Variants in DNAH5 observed in about 807,000 individuals in gnomAD.
The protein encoded by DNAH5 is axonemal beta dynein heavy chain 5.
In DNAH5, 372 loss-of-function variants were observed where a neutral mutation model predicts 518.2. The ratio of observed to expected loss-of-function variants is 0.72; its 90% confidence interval spans 0.66 to 0.78. The LOEUF (loss-of-function observed/expected upper bound fraction) is 0.78. Among genes scored for constraint, DNAH5 ranks in the 30% least tolerant of loss-of-function variants. DNAH5 has a pLI of 0.00. For missense variants in DNAH5, 5,523 were observed against 5,687.0 expected, an observed-to-expected ratio of 0.97 and a Z score of 0.93; for synonymous variants, 2,039 against 2,025.9, an observed-to-expected ratio of 1.01 and a Z score of -0.17.
chr5:13,881,092 AATTAT>A (rs529176994), intron 21 of DNAH5, among the ~76,000 whole-genome samples: 14 of 152,040 alleles, frequency 9.2e-5, no homozygotes, highest in Non-Finnish European at 1.5e-4. Context: ...AATTCTTCAA[AATTAT>A]ATTATAATCG....
At chr5:13,896,245 A>C (rs916379085) in intron 15 of DNAH5, among the ~76,000 whole-genome samples, 1 of 152,022 alleles carries the variant, frequency 6.6e-6, no homozygotes, top group African/African-American at 2.4e-5. Flanking sequence ...CCTTTATACA[A>C]AGGACTTGGA....
chr5:13,719,383 G>C, intron 71 of DNAH5, among the ~76,000 whole-genome samples: 1 of 152,258 alleles, frequency 6.6e-6, no homozygotes, highest in Non-Finnish European at 1.5e-5. Flanking sequence ...GGACTTCCAA[G>C]TAAAGATGGC....
chr5:13,694,985 G>A (rs1221806352), intron 78 of DNAH5, among the ~76,000 whole-genome samples: 1 of 152,174 alleles, frequency 6.6e-6, no homozygotes. Context: ...GGAACAGAAG[G>A]AGGTGAGTTG....
rs763843574 is a variant in DNAH5, at chr5:13,737,383, A to G, written c.11324T>C (p.Leu3775Pro). ...GACAATGAGACTTTCATCTTCTACCAGGGACCCCTGGGTACTTGTCAGGCG... is the reference window on the plus strand; with the variant it reads ...GACAATGAGACTTTCATCTTCTACCGGGGACCCCTGGGTACTTGTCAGGCG... Reference protein sequence around the residue: ...LYRLTSTQGSLVEDESLIVVL... With the variant: ...LYRLTSTQGSPVEDESLIVVL... Residue 3775 changes from leucine (L) to proline (P), a missense_variant, in exon 66 of 79, where the codon CTG becomes CCG. Around this residue, in one of 3 missense-constraint regions of DNAH5, gnomAD observed 5,121 missense variants for 5,223.3 expected, o/e 0.98. Coordinates refer to ENST00000265104, the MANE Select transcript of DNAH5 (RefSeq NM_001369.3). 1.2e-6 allele frequency: 2 copies of G among 1,614,160 alleles called. No individual in the cohort carries two copies. Among genetic ancestry groups the G allele is most frequent in the South Asian group, 1.1e-5 (1 of 91,078 alleles).
chr5:13,759,317 T>C (rs2126729984), intron 60 of DNAH5, among the ~76,000 whole-genome samples: 1 of 152,370 alleles, frequency 6.6e-6, no homozygotes, highest in South Asian at 2.1e-4. Context: ...CCTACTCTTA[T>C]TTCACAAGCC....
In DNAH5 at chr5:13,882,573, C is replaced by T. The variant is rs370633292; in HGVS notation, c.3262+155G>A. ...CAACTAAAATGGTGATATTAAAATA[C>T]GTGGACCTTGATATTTTGTCAACTT... On this transcript the variant is annotated intron_variant, in intron 21 of 78. Transcript: ENST00000265104. Among the ~76,000 whole-genome samples the T allele has an allele frequency of 7.4e-4, 113 of 152,182 alleles. 1 individual carries two copies. In the South Asian group the frequency reaches 0.018, roughly 24 times the overall value.
rs184905024 is a variant in DNAH5, at chr5:13,793,896, C to T, written c.8010+40G>A. 3.0e-5 allele frequency: 48 copies of T among 1,610,032 alleles called. No individual in the cohort carries two copies. The Middle Eastern group carries it at 8.3e-4, about 28-fold the overall frequency. ...AAACTCTTCTAAGAATAAATCAATACCAAATTAAAGAAATAAAATGCACAA... is the reference window on the plus strand; with the variant it reads ...AAACTCTTCTAAGAATAAATCAATATCAAATTAAAGAAATAAAATGCACAA... On this transcript the variant is annotated intron_variant, in intron 48 of 78. Coordinates refer to ENST00000265104, the MANE Select transcript of DNAH5 (RefSeq NM_001369.3).
intron 59 of DNAH5, among the ~76,000 whole-genome samples, chr5:13,764,733 T>C (rs1264123427): frequency 6.6e-6 from 1 of 152,202 alleles, no homozygotes; most frequent in Non-Finnish European, 1.5e-5. Context: ...AGCCACCAAA[T>C]GACCAATATT....
At chr5:13,740,225 T>C (rs1186093611) in intron 65 of DNAH5, among the ~76,000 whole-genome samples, 1 of 152,140 alleles carries the variant, frequency 6.6e-6, no homozygotes, top group East Asian at 1.9e-4. Context: ...CACCCTGGTT[T>C]AAACTATCAT....
Position 13,751,168 on chromosome 5 carries a change from T to A in DNAH5, c.11121A>T (p.Ile3707=). The change falls in exon 65 of 79, where the codon ATA becomes ATT. Residue 3707 remains isoleucine (I), a synonymous_variant. Transcript: ENST00000265104. ...KLPNPAYTPE[I]SARTSIIDFT... ...AGTCAATGATGGAGGTACGGGCACT[T>A]ATCTCAGGGGTGTAGGCTGGGTTAG... is the stretch of plus-strand genomic sequence containing the variant. 1 of 1,613,962 alleles carries A rather than the reference T, an allele frequency of 6.2e-7. No homozygotes were observed. The highest frequency in any genetic ancestry group is 8.5e-7 in the Non-Finnish European group (1 of 1,179,928).
chr5:13,822,925 A>T (rs987234359), intron 40 of DNAH5, among the ~76,000 whole-genome samples: 2 of 152,192 alleles, frequency 1.3e-5, no homozygotes, highest in African/African-American at 4.8e-5. Flanking sequence ...GAAACAAGCT[A>T]AGCCAAGCTC....
At chr5:13,859,193 C>A (rs896754372) in intron 30 of DNAH5, among the ~76,000 whole-genome samples, 5 of 152,036 alleles carry the variant, frequency 3.3e-5, no homozygotes, top group Non-Finnish European at 7.4e-5. Context: ...ATTATGCGAC[C>A]ACTTATTTTT....
chr5:13,995,735 A>G (rs1440790591), intron 1 of DNAH5, among the ~76,000 whole-genome samples: 1 of 152,246 alleles, frequency 6.6e-6, no homozygotes, highest in Non-Finnish European at 1.5e-5. Flanking sequence ...ATAGATATAT[A>G]GGTGTGTTTT....
intron 38 of DNAH5, among the ~76,000 whole-genome samples, chr5:13,825,889 AG>A (rs1326474755): frequency 6.6e-6 from 1 of 152,234 alleles, no homozygotes; most frequent in African/African-American, 2.4e-5. Flanking sequence ...AAAAATGTAT[AG>A]GAAAAAACTA....
intron 1 of DNAH5, among the ~76,000 whole-genome samples, chr5:13,957,302 G>A (rs16902968): frequency 0.062 from 9,424 of 152,212 alleles, 450 homozygotes; most frequent in African/African-American, 0.13. Flanking sequence ...TTAACCATTA[G>A]CTTGAAGAGC....
chr5:13,730,050 G>A (rs182460961), intron 68 of DNAH5, among the ~76,000 whole-genome samples: 2 of 152,294 alleles, frequency 1.3e-5, no homozygotes, highest in Admixed American at 1.3e-4. Context: ...CTAGATGTTT[G>A]AAGGATTCTC....
chr5:13,836,198 C>G (rs1371381167), intron 35 of DNAH5, among the ~76,000 whole-genome samples: 2 of 152,136 alleles, frequency 1.3e-5, no homozygotes, highest in Non-Finnish European at 2.9e-5. Context: ...CAGGAGGGCA[C>G]TTTTGTGAGG....
rs1404602024 is a variant in DNAH5 at position 13,951,979 on chromosome 5, G to GATTTA, written c.13-20740_13-20736dup. 5.3e-5 allele frequency among the ~76,000 whole-genome samples: 8 copies of GATTTA among 152,278 alleles called. No homozygotes were observed. In the South Asian group the frequency reaches 1.2e-3, roughly 24 times the overall value. ...AAATCATGTTGTCTTCCTATAGAAAGATTTAATGAGAAAAGTGAATCAAAT... is the reference window on the plus strand; with the variant it reads ...AAATCATGTTGTCTTCCTATAGAAAGATTTAATTTAATGAGAAAAGTGAATCAAAT... On this transcript the variant is annotated intron_variant, in intron 1 of 78. Coordinates refer to the DNAH5 transcript ENST00000681290.
chr5:13,722,027 T>C (rs906421264), intron 70 of DNAH5, among the ~76,000 whole-genome samples: 3 of 152,222 alleles, frequency 2.0e-5, no homozygotes, highest in African/African-American at 4.8e-5. Flanking sequence ...GGTGGTCTTC[T>C]TCCACCTTAG....
Sources: gnomAD v4.1 joint callset for allele counts (sites outside exome capture counted in the v4.1 genomes callset) on GRCh38, gnomAD v4.1.1 for gene constraint, gnomAD v4.1.1 regional missense constraint, MANE v1.5 for transcripts, NCBI Gene and HGNC (gene_info 2026-07-23, HGNC 2026-07-21) for gene names.